The following TRPC6 variants were observed in gnomAD, a reference collection of about 807,000 sequenced individuals.
The protein encoded by TRPC6 is transient receptor potential cation channel subfamily C member 6.
In TRPC6, 55 loss-of-function variants were observed where a neutral mutation model predicts 90.7. The observed-to-expected ratio is 0.61, with a 90% CI of 0.49 to 0.76. The LOEUF is 0.76. Among genes scored for constraint, TRPC6 ranks in the 30% least tolerant of loss-of-function variants. TRPC6 has a pLI of 0.00. For missense variants in TRPC6, 989 were observed against 1,122.7 expected (o/e 0.88, Z 1.70); for synonymous variants, 393 against 393.0 (o/e 1.00, Z 0.00).
intron 10 of TRPC6, among the ~76,000 whole-genome samples, chr11:101,456,478 T>C (rs1398238461): frequency 2.0e-5 from 3 of 152,184 alleles, no homozygotes; most frequent in Non-Finnish European, 4.4e-5. Flanking sequence ...TGATAAAGCA[T>C]GCAGGTAAGG....
intron 1 of TRPC6, among the ~76,000 whole-genome samples, chr11:101,552,515 C>T (rs1191317412): frequency 6.6e-6 from 1 of 152,036 alleles, no homozygotes; most frequent in African/African-American, 2.4e-5. Context: ...ACAAGGCAAA[C>T]TAAGGAGGTG....
At position 101,540,542 on chromosome 11, in the gene TRPC6, G is replaced by A. The variant is rs988468823; in HGVS notation, c.171-35744C>T. 7.9e-5 allele frequency among the ~76,000 whole-genome samples: 12 copies of A among 152,096 alleles called. No individual in the cohort carries two copies. In the East Asian group the frequency reaches 9.6e-4, roughly 12 times the overall value. ...AATTTCATTCTTGTTTAACTGTGCT[G>A]TTATATGTAATGTAAAGAGACATCC... On this transcript the variant is annotated intron_variant, in intron 1 of 12. Transcript: ENST00000344327.
At chr11:101,459,803 C>CA (rs1565443815) in intron 10 of TRPC6, among the ~76,000 whole-genome samples, 1 of 152,060 alleles carries the variant, frequency 6.6e-6, no homozygotes, top group Non-Finnish European at 1.5e-5. Flanking sequence ...CCTATCTTTG[C>CA]AAAAAATTTA....
intron 1 of TRPC6, among the ~76,000 whole-genome samples, chr11:101,509,037 C>T (rs1255416847): frequency 6.6e-6 from 1 of 151,846 alleles, no homozygotes; most frequent in Non-Finnish European, 1.5e-5. Flanking sequence ...AAGAAGGACA[C>T]TTGGACTTCA....
At chr11:101,497,892 C>G (rs10895123) in intron 2 of TRPC6, among the ~76,000 whole-genome samples, 71,173 of 151,520 alleles carry the variant, frequency 0.47, 17,204 homozygotes, top group African/African-American at 0.58. Flanking sequence ...GTGTGATGTT[C>G]CCAAAAGAGG....
At chr11:101,579,897 G>A (rs1467442343) in intron 1 of TRPC6, among the ~76,000 whole-genome samples, 1 of 151,930 alleles carries the variant, frequency 6.6e-6, no homozygotes. Context: ...TTCGTCACTG[G>A]GACGCATAAC....
intron 1 of TRPC6, among the ~76,000 whole-genome samples, chr11:101,550,551 G>A (rs1824687035): frequency 6.6e-6 from 1 of 151,532 alleles, no homozygotes. Flanking sequence ...GTGTTTTTAA[G>A]CAACAGAACT....
intron 1 of TRPC6, among the ~76,000 whole-genome samples, chr11:101,533,905 T>C (rs912686372): frequency 2.6e-5 from 4 of 152,158 alleles, no homozygotes; most frequent in Non-Finnish European, 2.9e-5. Context: ...CCATAATGTA[T>C]TGGCTTACAG....
chr11:101,523,595 T>A (rs1382129882), intron 1 of TRPC6, among the ~76,000 whole-genome samples: 2 of 152,242 alleles, frequency 1.3e-5, no homozygotes, highest in African/African-American at 2.4e-5. Flanking sequence ...AATTTCAAAC[T>A]TCACTGGAGA....
chr11:101,581,488 G>T (rs1862195324), intron 1 of TRPC6, among the ~76,000 whole-genome samples: 1 of 152,108 alleles, frequency 6.6e-6, no homozygotes, highest in South Asian at 2.1e-4. Context: ...TGATTATATG[G>T]ATTACAGAAT....
At chr11:101,510,941 C>A (rs1652278050) in intron 1 of TRPC6, among the ~76,000 whole-genome samples, 1 of 152,096 alleles carries the variant, frequency 6.6e-6, no homozygotes, top group Non-Finnish European at 1.5e-5. Context: ...TTTAAAAATC[C>A]TTACAAATAT....
chr11:101,566,733 C>T (rs1861841225), intron 1 of TRPC6, among the ~76,000 whole-genome samples: 1 of 152,114 alleles, frequency 6.6e-6, no homozygotes, highest in Non-Finnish European at 1.5e-5. Flanking sequence ...CAAGGAGGGC[C>T]AGCCAAAGCA....
chr11:101,561,105 G>GTTTC (rs59005600), intron 1 of TRPC6, among the ~76,000 whole-genome samples: 108,346 of 151,566 alleles, frequency 0.71, 39,191 homozygotes, highest in East Asian at 0.98. Flanking sequence ...ATCAGATTGA[G>GTTTC]TTTGACATTC....
chr11:101,484,631 GTGTGTA>G (rs1038774391), intron 4 of TRPC6, among the ~76,000 whole-genome samples: 3 of 148,112 alleles, frequency 2.0e-5, no homozygotes, highest in African/African-American at 7.7e-5. Context: ...GTGTGTGTGT[GTGTGTA>G]TGAGTGCAGT....
At chr11:101,486,124 A>G (rs1255731538) in intron 4 of TRPC6, among the ~76,000 whole-genome samples, 1 of 152,094 alleles carries the variant, frequency 6.6e-6, no homozygotes, top group Non-Finnish European at 1.5e-5. Context: ...CAATCAAACA[A>G]AAAGCTGGTT....
chr11:101,496,477 G>A (rs891319875), intron 2 of TRPC6, among the ~76,000 whole-genome samples: 5 of 151,886 alleles, frequency 3.3e-5, no homozygotes, highest in Non-Finnish European at 5.9e-5. Flanking sequence ...AAAGTTAATC[G>A]GCACTATTCT....
chr11:101,550,367 T>C (rs906193263), intron 1 of TRPC6, among the ~76,000 whole-genome samples: 1 of 151,624 alleles, frequency 6.6e-6, no homozygotes, highest in African/African-American at 2.4e-5. Flanking sequence ...TGTAAAATCA[T>C]GCATATATAT....
intron 1 of TRPC6, among the ~76,000 whole-genome samples, chr11:101,539,747 C>G (rs1591121334): frequency 6.6e-6 from 1 of 152,186 alleles, no homozygotes; most frequent in Non-Finnish European, 1.5e-5. Flanking sequence ...TTTCAATCTT[C>G]TAATGGCAAT....
chr11:101,526,924 T>C (rs1424114365), intron 1 of TRPC6, among the ~76,000 whole-genome samples: 2 of 64,614 alleles, frequency 3.1e-5, no homozygotes, highest in East Asian at 9.6e-4. Flanking sequence ...TCCTGGACAA[T>C]AGAAAATGTA....
Sources: gnomAD v4.1 joint callset for allele counts (sites outside exome capture counted in the v4.1 genomes callset) on GRCh38, gnomAD v4.1.1 for gene constraint, MANE v1.5 for transcripts, NCBI Gene and HGNC (gene_info 2026-07-23, HGNC 2026-07-21) for gene names.